Variants in IRF4 observed in about 807,000 individuals in gnomAD.
IRF4 encodes interferon regulatory factor 4.
In IRF4, 13 loss-of-function variants were observed where a neutral mutation model predicts 55.5. That is an observed-to-expected ratio of 0.23 (90% CI 0.15 to 0.37). IRF4 has a LOEUF of 0.37. Among genes scored for constraint, IRF4 ranks in the 10% least tolerant of loss-of-function variants. The pLI is 1.00. For synonymous variants in IRF4, 249 were observed against 240.7 expected, an observed-to-expected ratio of 1.03 and a Z score of -0.32; for missense variants, 397 against 593.8, an observed-to-expected ratio of 0.67 and a Z score of 3.44.
In IRF4 at chr6:406,923, C is replaced by A. The variant is rs1233969008; in HGVS notation, c.1213-532C>A. On this transcript the variant is annotated intron_variant, in intron 8 of 8. Coordinates refer to ENST00000380956, the MANE Select transcript of IRF4 (RefSeq NM_002460.4). ...TGGTGAGTGTGATCCACGCTAATAA[C>A]CAGACAGTATAAATTTGAGGCCAGT... is the stretch of plus-strand genomic sequence containing the variant. 8 of 1,038,598 alleles carry A rather than the reference C, an allele frequency of 7.7e-6. No homozygotes were observed. The Admixed American group carries it at 2.3e-4, about 30-fold the overall frequency. The allele number at this position is 1,038,598 out of a possible 1,614,324, so 64.3% of individuals were successfully genotyped here.
At chr6:395,217 C>A (rs1377095523) in intron 3 of IRF4, among the ~76,000 whole-genome samples, 1 of 148,986 alleles carries the variant, frequency 6.7e-6, no homozygotes, top group Non-Finnish European at 1.5e-5. Flanking sequence ...GAATTAATCA[C>A]ACTGTATGCC....
Position 401,692 on chromosome 6 carries a change from G to T in IRF4, c.1014G>T (p.Gly338=). Residue 338 remains glycine (G), a synonymous_variant, in exon 7 of 9, where the codon GGG becomes GGT. Coordinates refer to ENST00000380956, the MANE Select transcript of IRF4 (RefSeq NM_002460.4). ...RLCQSRIYWD[G]PLALCNDRPN... is the part of the protein sequence containing the mutation. ...GCCAGAGCAGGATCTACTGGGACGG[G>T]CCCCTGGCGCTGTGCAACGACCGGC... 6.2e-7 allele frequency: 1 copy of T among 1,614,222 alleles called. No individual in the cohort carries two copies. Among genetic ancestry groups the T allele is most frequent in the East Asian group, 2.2e-5 (1 of 44,884 alleles).
At chr6:403,508 A>G (rs1761462472) in intron 7 of IRF4, among the ~76,000 whole-genome samples, 1 of 152,214 alleles carries the variant, frequency 6.6e-6, no homozygotes, top group Admixed American at 6.5e-5. Flanking sequence ...GTGGTGACTA[A>G]GCTGGAAGGT....
intron 4 of IRF4, among the ~76,000 whole-genome samples, 158 bp from the exon 5 acceptor site, chr6:396,950 A>C: frequency 1.1e-5 from 1 of 93,618 alleles, no homozygotes; most frequent in Non-Finnish European, 2.0e-5. Context: ...GCACTCCTTT[A>C]CCCCCGTCTC....
rs151195617 is a variant in IRF4 at position 410,190 on chromosome 6, G to A, written c.*2592G>A. On this transcript the variant is annotated 3_prime_UTR_variant, in exon 9 of 9. Coordinates refer to ENST00000380956, the MANE Select transcript of IRF4 (RefSeq NM_002460.4). Reference sequence around the variant, plus strand: ...GTGGACAGTGCTGTTGAAGATTTGAGGACTTGTTAAAGAGCACTGGGTCAT... The same window carrying A: ...GTGGACAGTGCTGTTGAAGATTTGAAGACTTGTTAAAGAGCACTGGGTCAT... 1.9e-4 allele frequency: 43 copies of A among 229,558 alleles called. No individual in the cohort carries two copies. Among genetic ancestry groups the A allele is most frequent in the Admixed American group, 6.2e-4 (11 of 17,660 alleles). 14.2% of individuals were successfully genotyped at this position (229,558 alleles called of 1,614,324 possible).
chr6:400,031 A>G (rs771578661), intron 6 of IRF4, among the ~76,000 whole-genome samples: 24 of 152,194 alleles, frequency 1.6e-4, no homozygotes, highest in Non-Finnish European at 2.6e-4. Flanking sequence ...ATGACATTAA[A>G]TGAAATGAAA....
chr6:392,397 C>T (rs1761128950), intron 1 of IRF4, among the ~76,000 whole-genome samples: 1 of 152,268 alleles, frequency 6.6e-6, no homozygotes, highest in African/African-American at 2.4e-5. Context: ...TCTCCCGCGC[C>T]CTCCCCGCCT....
chr6:396,162 A>C, intron 4 of IRF4: 2 of 542,268 alleles, frequency 3.7e-6, no homozygotes, highest in Non-Finnish European at 6.6e-6. Context: ...GCCTGTTGGA[A>C]TATGCTTCTC....
rs149874008 is a variant in IRF4, at chr6:393,604, C to G, written c.216+236C>G. ...TGGGCGCGTGGAGGCTGCAGGGAAA[C>G]CGCTGAAGGCCCGGCCGGGCCCGGG... On this transcript the variant is annotated intron_variant, in intron 2 of 8. Transcript: ENST00000380956. The surrounding 1 kb of genome is among the most constrained non-coding windows in gnomAD (Gnocchi z 5.4). Among the ~76,000 whole-genome samples the G allele has an allele frequency of 0.026, 3,912 of 152,208 alleles. 65 individuals carry two copies. The highest frequency in any genetic ancestry group is 0.051 in the Middle Eastern group (15 of 294).
Position 393,248 on chromosome 6 carries a change from C to A in IRF4, c.96C>A (p.Ile32=), listed in dbSNP as rs1761165352. 6.3e-7 allele frequency: 1 copy of A among 1,586,378 alleles called. No homozygotes were observed. Among genetic ancestry groups the A allele is most frequent in the Non-Finnish European group, 8.6e-7 (1 of 1,166,320 alleles). Residue 32 remains isoleucine (I), a synonymous_variant, in exon 2 of 9, where the codon ATC becomes ATA. Transcript: ENST00000380956. This position sits in a 1 kb window ranked among gnomAD's most constrained non-coding sequence, Gnocchi z 5.4. Reference sequence around the variant, plus strand: ...TCCGCCAGTGGCTGATCGACCAGATCGACAGCGGCAAGTACCCCGGGCTGG... The same window carrying A: ...TCCGCCAGTGGCTGATCGACCAGATAGACAGCGGCAAGTACCCCGGGCTGG... ...GKLRQWLIDQ[I]DSGKYPGLVW...
In IRF4 at chr6:393,402, G is replaced by T. The variant is rs763756874; in HGVS notation, c.216+34G>T. On this transcript the variant is annotated intron_variant, in intron 2 of 8. Coordinates refer to ENST00000380956, the MANE Select transcript of IRF4 (RefSeq NM_002460.4). This position sits in a 1 kb window ranked among gnomAD's most constrained non-coding sequence, Gnocchi z 5.4. ...CCTCGGGAGCCGGCGGGGGCGCGCC[G>T]GGGAGGGCCCAGAGACAGAGCCCGG... The T allele has an allele frequency of 1.3e-6, 2 of 1,499,310 alleles. No homozygotes were observed. The highest frequency in any genetic ancestry group is 2.5e-5 in the East Asian group (1 of 40,448). 92.9% of individuals were successfully genotyped at this position (1,499,310 alleles called of 1,614,324 possible).
Position 407,755 on chromosome 6 carries a change from C to A in IRF4, c.*157C>A. 1.5e-6 allele frequency: 1 copy of A among 650,030 alleles called. No homozygotes were observed. The allele number at this position is 650,030 out of a possible 1,614,324, so 40.3% of individuals were successfully genotyped here. On this transcript the variant is annotated 3_prime_UTR_variant, in exon 9 of 9. Transcript: ENST00000380956. Reference sequence around the variant, plus strand: ...CTGGGTTCAAGAGACTCTCCTGCCTCAGCCTCCCTGGTAGCTGGGATTACA... The same window carrying A: ...CTGGGTTCAAGAGACTCTCCTGCCTAAGCCTCCCTGGTAGCTGGGATTACA...
intron 1 of IRF4, among the ~76,000 whole-genome samples, chr6:392,263 G>A (rs1761123425): frequency 6.6e-6 from 1 of 152,248 alleles, no homozygotes; most frequent in African/African-American, 2.4e-5. Flanking sequence ...CTCCGGCGCG[G>A]TGCTCACCCG....
intron 8 of IRF4, among the ~76,000 whole-genome samples, 179 bp from the exon 9 acceptor site, chr6:407,276 A>G (rs1022402869): frequency 6.6e-6 from 1 of 152,184 alleles, no homozygotes; most frequent in African/African-American, 2.4e-5. Context: ...ATGTTGATCT[A>G]TGGAAGGACT....
At chr6:403,797 C>T (rs1761469353) in intron 7 of IRF4, among the ~76,000 whole-genome samples, 1 of 152,174 alleles carries the variant, frequency 6.6e-6, no homozygotes, top group Non-Finnish European at 1.5e-5. Flanking sequence ...AGGATTCCCA[C>T]CAAACACTCT....
rs910373739 is a variant in IRF4, at chr6:407,437, T to A, written c.1213-18T>A. 3.1e-6 allele frequency: 5 copies of A among 1,591,172 alleles called. No individual in the cohort carries two copies. In the South Asian group the frequency reaches 4.6e-5, roughly 15 times the overall value. ...GCAGGATATCTCAGTAATGTCTTTTTAAAATCTCTTATTAAAGGTAGAACC... is the reference window on the plus strand; with the variant it reads ...GCAGGATATCTCAGTAATGTCTTTTAAAAATCTCTTATTAAAGGTAGAACC... On this transcript the variant is annotated intron_variant, in intron 8 of 8. Transcript: ENST00000380956.
intron 7 of IRF4, among the ~76,000 whole-genome samples, chr6:403,333 G>A (rs992739731): frequency 6.6e-6 from 1 of 152,264 alleles, no homozygotes; most frequent in African/African-American, 2.4e-5. Flanking sequence ...GGGCCAGGAA[G>A]GCTAAGGCCC....
At position 407,621 on chromosome 6, in the gene IRF4, T is replaced by TC. The variant is rs1761581705; in HGVS notation, c.*24dup. 6.3e-7 allele frequency: 1 copy of TC among 1,579,676 alleles called. No homozygotes were observed. The highest frequency in any genetic ancestry group is 1.4e-5 in the African/African-American group (1 of 72,138). On this transcript the variant is annotated 3_prime_UTR_variant, in exon 9 of 9. Coordinates refer to ENST00000380956, the MANE Select transcript of IRF4 (RefSeq NM_002460.4). ...TGAAAAATGTCAAGATGAGTGGTTTTCTTTTTCCTTTTTTTTTTTTTTTTT... is the reference window on the plus strand; with the variant it reads ...TGAAAAATGTCAAGATGAGTGGTTTTCCTTTTTCCTTTTTTTTTTTTTTTTT...
At chr6:405,431 G>T (rs1415947477) in intron 8 of IRF4, among the ~76,000 whole-genome samples, 1 of 152,008 alleles carries the variant, frequency 6.6e-6, no homozygotes, top group Non-Finnish European at 1.5e-5. Flanking sequence ...CATTTTATAG[G>T]GATTGAAAAA....
Sources: allele counts gnomAD v4.1 joint callset (sites outside exome capture counted in the v4.1 genomes callset), GRCh38; gene constraint gnomAD v4.1.1; non-coding constraint Gnocchi (gnomAD v3.1); transcripts MANE v1.5; gene names NCBI Gene and HGNC (gene_info 2026-07-23, HGNC 2026-07-21).